Variants in CEBPA observed in about 807,000 individuals in gnomAD.
CEBPA encodes the protein CCAAT enhancer binding protein alpha, also known as CCAAT/enhancer-binding protein alpha.
A neutral mutation model predicts 5.1 loss-of-function variants in CEBPA; 2 were observed. That is an observed-to-expected ratio of 0.39 (90% CI 0.16 to 1.23). CEBPA has a LOEUF of 1.23. CEBPA is among the 50% of genes most tolerant of loss of function. The pLI is 0.34. For synonymous variants in CEBPA, 275 were observed against 264.1 expected (o/e 1.04, Z -0.40); for missense variants, 455 against 537.4 (o/e 0.85, Z 1.52).
chr19:33,301,071 C>T lies in CEBPA; in HGVS notation c.*267G>A. 2 of 585,516 alleles carry T rather than the reference C, an allele frequency of 3.4e-6. No homozygotes were observed. The highest frequency in any genetic ancestry group is 3.0e-6 in the Non-Finnish European group (1 of 331,156). 36.3% of individuals were successfully genotyped at this position (585,516 alleles called of 1,614,324 possible). A position where few individuals can be genotyped will look rare whatever the true frequency, so the allele number is the denominator to read the frequency against. The stretch of plus-strand genomic sequence containing the variant: ...CCAAGGCACAAGGTTATCCTAAATA[C>T]TAGAGTTGCCGGGCTCCCAGCTCAG... On this transcript the variant is annotated 3_prime_UTR_variant, in exon 1 of 1. Transcript: ENST00000498907. The surrounding 1 kb of genome is among the most constrained non-coding windows in gnomAD (Gnocchi z 6.0).
At position 33,302,307 on chromosome 19, in the gene CEBPA, G is replaced by A. The variant is rs1399064538; in HGVS notation, c.108C>T (p.Gly36=). 4 of 1,444,818 alleles carry A rather than the reference G, an allele frequency of 2.8e-6. No individual in the cohort carries two copies. Among genetic ancestry groups the A allele is most frequent in the Non-Finnish European group, 3.7e-6 (4 of 1,093,890 alleles). The allele number at this position is 1,444,818 out of a possible 1,614,324, so 89.5% of individuals were successfully genotyped here. A position where few individuals can be genotyped will look rare whatever the true frequency, so the allele number is the denominator to read the frequency against. ...PSSAAFGFPR[G]AGPAQPPAPP... ...GGGCGGGAGGCTGCGCGGGGCCCGC[G>A]CCCCGGGGAAAGCCGAAGGCGGCGC... Residue 36 remains glycine, a synonymous_variant, in exon 1 of 1, where the codon GGC becomes GGT. Coordinates refer to ENST00000498907, the MANE Select transcript of CEBPA (RefSeq NM_004364.5).
chr19:33,301,649 G>A lies in CEBPA; in HGVS notation c.766C>T (p.Leu256=), dbSNP rs1967170063. The change falls in exon 1 of 1, where the codon CTG becomes TTG. Residue 256 remains leucine, a synonymous_variant. Coordinates refer to ENST00000498907, the MANE Select transcript of CEBPA (RefSeq NM_004364.5). This position sits in a 1 kb window ranked among gnomAD's most constrained non-coding sequence, Gnocchi z 6.0. ...CGGAGGTCGGGGTGCGCGGCGCCCA[G>A]CCCCTTGAGCGCGCTGCCAGGGCCC... ...LPGPGSALKG[L]GAAHPDLRAS... 6 of 1,520,724 alleles carry A rather than the reference G, an allele frequency of 3.9e-6. No individual in the cohort carries two copies. The East Asian group carries it at 1.3e-4, about 33-fold the overall frequency. The allele number at this position is 1,520,724 out of a possible 1,614,324, so 94.2% of individuals were successfully genotyped here. A position where few individuals can be genotyped will look rare whatever the true frequency, so the allele number is the denominator to read the frequency against.
rs746430067 is a variant in CEBPA, at chr19:33,301,848, GGGCGGC to G, written c.561_566del (p.Pro188_Pro189del). The G allele has an allele frequency of 4.0e-5, 53 of 1,310,316 alleles. No individual in the cohort carries two copies. Among genetic ancestry groups the G allele is most frequent in the South Asian group, 2.8e-4 (15 of 52,854 alleles). 81.2% of individuals were successfully genotyped at this position (1,310,316 alleles called of 1,614,324 possible). The stretch of plus-strand genomic sequence containing the variant: ...GCGGCGGGTGCGGGTGCGGGTGCGA[GGGCGGC>G]GGCGGCGGCGGCGGCTGGTAAGGGA... On this transcript the variant is annotated inframe_deletion, in exon 1 of 1. Transcript: ENST00000498907. The surrounding 1 kb of genome is among the most constrained non-coding windows in gnomAD (Gnocchi z 6.0).
In CEBPA at chr19:33,301,889, C is replaced by T. The variant is rs2145261638; in HGVS notation, c.526G>A (p.Ala176Thr). Residue 176 changes from alanine (A) to threonine (T), a missense_variant, in exon 1 of 1, where the codon GCC becomes ACC. This residue lies in a region of CEBPA where 141 missense variants were observed against 124.1 expected (regional missense o/e 1.14). Coordinates refer to ENST00000498907, the MANE Select transcript of CEBPA (RefSeq NM_004364.5). The surrounding 1 kb of genome is among the most constrained non-coding windows in gnomAD (Gnocchi z 6.0). ...EEDEAKQLAL[A>T]GLFPYQPPPP... ...GGCGGCTGGTAAGGGAAGAGGCCGG[C>T]CAGCGCCAGCTGCTTGGCTTCATCC... 7.5e-7 allele frequency: 1 copy of T among 1,327,334 alleles called. No individual in the cohort carries two copies. The highest frequency in any genetic ancestry group is 9.7e-7 in the Non-Finnish European group (1 of 1,032,580). The allele number at this position is 1,327,334 out of a possible 1,614,324, so 82.2% of individuals were successfully genotyped here. A position where few individuals can be genotyped will look rare whatever the true frequency, so the allele number is the denominator to read the frequency against.
Position 33,301,958 on chromosome 19 carries a change from G to C in CEBPA, c.457C>G (p.Pro153Ala). The part of the protein sequence containing the change: ...LEPLYERVGA[P>A]ALRPLVIKQE... ...TTGATCACCAGCGGCCGCAGCGCCG[G>C]CGCCCCGACGCGCTCGTACAGGGGC... Residue 153 changes from proline to alanine, a missense_variant, in exon 1 of 1, where the codon CCG (proline) becomes GCG (alanine). Pro to Ala is a conservative substitution (Grantham distance 27, BLOSUM62 -1). This residue lies in a region of CEBPA where 141 missense variants were observed against 124.1 expected (regional missense o/e 1.14). Transcript: ENST00000498907. This position sits in a 1 kb window ranked among gnomAD's most constrained non-coding sequence, Gnocchi z 6.0. 1 of 1,217,118 alleles carries C rather than the reference G, an allele frequency of 8.2e-7. No individual in the cohort carries two copies. Among genetic ancestry groups the C allele is most frequent in the African/African-American group, 1.6e-5 (1 of 61,946 alleles). The allele number at this position is 1,217,118 out of a possible 1,614,324, so 75.4% of individuals were successfully genotyped here.
rs1555742309 is a variant in CEBPA, at chr19:33,302,343, G to T, written c.72C>A (p.His24Gln). ...AGCCGAAGGCGGCGCTGCTGGGCGCGTGCGGGGGGCTCTGCAGGTGGCTGC... is the reference window on the plus strand; with the variant it reads ...AGCCGAAGGCGGCGCTGCTGGGCGCTTGCGGGGGGCTCTGCAGGTGGCTGC... ...PMSSHLQSPP[H>Q]APSSAAFGFP... The change falls in exon 1 of 1, where the codon CAC becomes CAA. Residue 24 changes from histidine to glutamine, a missense_variant. Transcript: ENST00000498907. The T allele has an allele frequency of 7.4e-7, 1 of 1,349,752 alleles. No individual in the cohort carries two copies. The allele number at this position is 1,349,752 out of a possible 1,614,324, so 83.6% of individuals were successfully genotyped here.
chr19:33,302,454 G>A lies in CEBPA; in HGVS notation c.-40C>T. On this transcript the variant is annotated 5_prime_UTR_variant, in exon 1 of 1. Transcript: ENST00000498907. ...TCTCCCGGCATGGCGAGCCTCGGCGGCCTCCAGCCTGCGCGGGGCGTCGCC... is the reference window on the plus strand; with the variant it reads ...TCTCCCGGCATGGCGAGCCTCGGCGACCTCCAGCCTGCGCGGGGCGTCGCC... 1 of 1,223,232 alleles carries A rather than the reference G, an allele frequency of 8.2e-7. No individual in the cohort carries two copies. Among genetic ancestry groups the A allele is most frequent in the Non-Finnish European group, 1.0e-6 (1 of 974,482 alleles). The allele number at this position is 1,223,232 out of a possible 1,614,324, so 75.8% of individuals were successfully genotyped here. A position where few individuals can be genotyped will look rare whatever the true frequency, so the allele number is the denominator to read the frequency against.
chr19:33,301,845 C>A lies in CEBPA; in HGVS notation c.570G>T (p.Ser190=). 3.8e-6 allele frequency: 5 copies of A among 1,301,920 alleles called. No homozygotes were observed. Among genetic ancestry groups the A allele is most frequent in the Non-Finnish European group, 4.9e-6 (5 of 1,021,564 alleles). 80.6% of individuals were successfully genotyped at this position (1,301,920 alleles called of 1,614,324 possible). A position where few individuals can be genotyped will look rare whatever the true frequency, so the allele number is the denominator to read the frequency against. ...PYQPPPPPPP[S]HPHPHPPPAH... is the part of the protein sequence containing the mutation. ...CGGGCGGCGGGTGCGGGTGCGGGTG[C>A]GAGGGCGGCGGCGGCGGCGGCGGCT... Residue 190 remains serine (S), a synonymous_variant, in exon 1 of 1, where the codon TCG becomes TCT. Coordinates refer to ENST00000498907, the MANE Select transcript of CEBPA (RefSeq NM_004364.5). This position sits in a 1 kb window ranked among gnomAD's most constrained non-coding sequence, Gnocchi z 6.0.
Position 33,302,208 on chromosome 19 carries a change from G to T in CEBPA, c.207C>A (p.Asp69Glu). 6.7e-7 allele frequency: 1 copy of T among 1,498,292 alleles called. No individual in the cohort carries two copies. The highest frequency in any genetic ancestry group is 8.9e-7 in the Non-Finnish European group (1 of 1,121,140). The allele number at this position is 1,498,292 out of a possible 1,614,324, so 92.8% of individuals were successfully genotyped here. ...GGAACTCGTCGTTGAAGGCGGCCGG[G>T]TCGATGTAGGCGCTGATGTCGATGG... ...ETSIDISAYIDPAAFNDEFLA... is the reference protein window; with the variant it reads ...ETSIDISAYIEPAAFNDEFLA... Residue 69 changes from aspartate to glutamate, a missense_variant, in exon 1 of 1, where the codon GAC (aspartate) becomes GAA (glutamate). Physicochemically the swap from Asp to Glu is conservative, Grantham distance 45 (BLOSUM62 2). Around this residue, in one of 5 missense-constraint regions of CEBPA, gnomAD observed 143 missense variants for 153.9 expected, o/e 0.93. Transcript: ENST00000498907.
rs1446673156 is a variant in CEBPA, at chr19:33,301,669, G to A, written c.746C>T (p.Pro249Leu). The A allele has an allele frequency of 1.5e-6, 2 of 1,321,254 alleles. No individual in the cohort carries two copies. The highest frequency in any genetic ancestry group is 1.9e-6 in the Non-Finnish European group (2 of 1,040,054). The allele number at this position is 1,321,254 out of a possible 1,614,324, so 81.8% of individuals were successfully genotyped here. A position where few individuals can be genotyped will look rare whatever the true frequency, so the allele number is the denominator to read the frequency against. ...GCCCAGCCCCTTGAGCGCGCTGCCA[G>A]GGCCCGGCAGGCCGGCGGCACCGAG... Reference protein sequence around the residue: ...PALGAAGLPGPGSALKGLGAA... With the variant: ...PALGAAGLPGLGSALKGLGAA... The change falls in exon 1 of 1, where the codon CCT (proline) becomes CTT (leucine). Residue 249 changes from proline (P) to leucine (L), a missense_variant. Pro to Leu is a moderately conservative substitution (Grantham distance 98, BLOSUM62 -3). Around this residue, in one of 5 missense-constraint regions of CEBPA, gnomAD observed 118 missense variants for 189.3 expected, o/e 0.62. Coordinates refer to ENST00000498907, the MANE Select transcript of CEBPA (RefSeq NM_004364.5). This position sits in a 1 kb window ranked among gnomAD's most constrained non-coding sequence, Gnocchi z 6.0.
At position 33,301,869 on chromosome 19, in the gene CEBPA, C is replaced by T; in HGVS notation, c.546G>A (p.Gln182=). 3 of 1,272,930 alleles carry T rather than the reference C, an allele frequency of 2.4e-6. No individual in the cohort carries two copies. The highest frequency in any genetic ancestry group is 1.0e-6 in the Non-Finnish European group (1 of 1,001,214). The allele number at this position is 1,272,930 out of a possible 1,614,324, so 78.9% of individuals were successfully genotyped here. ...QLALAGLFPY[Q]PPPPPPPSHP... ...GCGAGGGCGGCGGCGGCGGCGGCGGCTGGTAAGGGAAGAGGCCGGCCAGCG... is the reference window on the plus strand; with the variant it reads ...GCGAGGGCGGCGGCGGCGGCGGCGGTTGGTAAGGGAAGAGGCCGGCCAGCG... Residue 182 remains glutamine, a synonymous_variant, in exon 1 of 1, where the codon CAG becomes CAA. Coordinates refer to ENST00000498907, the MANE Select transcript of CEBPA (RefSeq NM_004364.5). The surrounding 1 kb of genome is among the most constrained non-coding windows in gnomAD (Gnocchi z 6.0).
rs41367646 is a variant in CEBPA, at chr19:33,300,977, C to T, written c.*361G>A. ...GCCTCGGGAAGGAGGCAGGAAACCTCCAAATAAAATGACAAGGCACGATTT... is the reference window on the plus strand; with the variant it reads ...GCCTCGGGAAGGAGGCAGGAAACCTTCAAATAAAATGACAAGGCACGATTT... On this transcript the variant is annotated 3_prime_UTR_variant, in exon 1 of 1. Coordinates refer to ENST00000498907, the MANE Select transcript of CEBPA (RefSeq NM_004364.5). The T allele has an allele frequency of 0.015, 5,282 of 342,534 alleles. 72 individuals are homozygous for T. Among genetic ancestry groups the T allele is most frequent in the Non-Finnish European group, 0.021 (3,814 of 183,188 alleles). 21.2% of individuals were successfully genotyped at this position (342,534 alleles called of 1,614,324 possible). A position where few individuals can be genotyped will look rare whatever the true frequency, so the allele number is the denominator to read the frequency against.
chr19:33,302,482 C>T lies in CEBPA; in HGVS notation c.-68G>A. 2 of 1,081,606 alleles carry T rather than the reference C, an allele frequency of 1.8e-6. No homozygotes were observed. The highest frequency in any genetic ancestry group is 1.2e-6 in the Non-Finnish European group (1 of 850,132). 67.0% of individuals were successfully genotyped at this position (1,081,606 alleles called of 1,614,324 possible). ...TCCAGCCTGCGCGGGGCGTCGCCGC[C>T]GCCCACCCGGAGACCCTGCTCGCCC... is the stretch of plus-strand genomic sequence containing the variant. On this transcript the variant is annotated 5_prime_UTR_variant, in exon 1 of 1. Coordinates refer to ENST00000498907, the MANE Select transcript of CEBPA (RefSeq NM_004364.5).
At position 33,301,916 on chromosome 19, in the gene CEBPA, C is replaced by T. The variant is rs1263846430; in HGVS notation, c.499G>A (p.Glu167Lys). The T allele has an allele frequency of 2.3e-6, 3 of 1,302,198 alleles. No individual in the cohort carries two copies. The highest frequency in any genetic ancestry group is 1.6e-5 in the African/African-American group (1 of 63,906). The allele number at this position is 1,302,198 out of a possible 1,614,324, so 80.7% of individuals were successfully genotyped here. A position where few individuals can be genotyped will look rare whatever the true frequency, so the allele number is the denominator to read the frequency against. The change falls in exon 1 of 1, where the codon GAG becomes AAG. Residue 167 changes from glutamate (E) to lysine (K), a missense_variant. Around this residue, in one of 5 missense-constraint regions of CEBPA, gnomAD observed 141 missense variants for 124.1 expected, o/e 1.14. Coordinates refer to ENST00000498907, the MANE Select transcript of CEBPA (RefSeq NM_004364.5). The surrounding 1 kb of genome is among the most constrained non-coding windows in gnomAD (Gnocchi z 6.0). ...PLVIKQEPRE[E>K]DEAKQLALAG... The stretch of plus-strand genomic sequence containing the variant: ...AGCGCCAGCTGCTTGGCTTCATCCT[C>T]CTCGCGGGGCTCCTGCTTGATCACC...
Position 33,302,348 on chromosome 19 carries a change from G to A in CEBPA, c.67C>T (p.Pro23Ser), listed in dbSNP as rs1478319097. 19 of 1,347,764 alleles carry A rather than the reference G, an allele frequency of 1.4e-5. No individual in the cohort carries two copies. The highest frequency in any genetic ancestry group is 6.0e-5 in the South Asian group (3 of 49,640). 83.5% of individuals were successfully genotyped at this position (1,347,764 alleles called of 1,614,324 possible). A position where few individuals can be genotyped will look rare whatever the true frequency, so the allele number is the denominator to read the frequency against. Residue 23 changes from proline to serine, a missense_variant, in exon 1 of 1, where the codon CCG (proline) becomes TCG (serine). By Grantham distance (74) the Pro-to-Ser change is moderately conservative (BLOSUM62 -1). Transcript: ENST00000498907. ...PPMSSHLQSPPHAPSSAAFGF... is the reference protein window; with the variant it reads ...PPMSSHLQSPSHAPSSAAFGF... ...AAGGCGGCGCTGCTGGGCGCGTGCGGGGGGCTCTGCAGGTGGCTGCTCATC... is the reference window on the plus strand; with the variant it reads ...AAGGCGGCGCTGCTGGGCGCGTGCGAGGGGCTCTGCAGGTGGCTGCTCATC...
At position 33,301,888 on chromosome 19, in the gene CEBPA, G is replaced by A. The variant is rs957167825; in HGVS notation, c.527C>T (p.Ala176Val). 2.7e-5 allele frequency: 35 copies of A among 1,302,910 alleles called. No individual in the cohort carries two copies. The highest frequency in any genetic ancestry group is 3.2e-5 in the Non-Finnish European group (33 of 1,018,160). 80.7% of individuals were successfully genotyped at this position (1,302,910 alleles called of 1,614,324 possible). ...EEDEAKQLALAGLFPYQPPPP... is the reference protein window; with the variant it reads ...EEDEAKQLALVGLFPYQPPPP... ...CGGCGGCTGGTAAGGGAAGAGGCCG[G>A]CCAGCGCCAGCTGCTTGGCTTCATC... is the stretch of plus-strand genomic sequence containing the variant. The change falls in exon 1 of 1, where the codon GCC becomes GTC. Residue 176 changes from alanine to valine, a missense_variant. Coordinates refer to ENST00000498907, the MANE Select transcript of CEBPA (RefSeq NM_004364.5). The surrounding 1 kb of genome is among the most constrained non-coding windows in gnomAD (Gnocchi z 6.0).
In CEBPA at chr19:33,300,050, T is replaced by C. The variant is rs1389772860; in HGVS notation, c.*1288A>G. 4.3e-6 allele frequency: 1 copy of C among 233,302 alleles called. No individual in the cohort carries two copies. Among genetic ancestry groups the C allele is most frequent in the Non-Finnish European group, 8.5e-6 (1 of 118,066 alleles). The allele number at this position is 233,302 out of a possible 1,614,324, so 14.5% of individuals were successfully genotyped here. A position where few individuals can be genotyped will look rare whatever the true frequency, so the allele number is the denominator to read the frequency against. On this transcript the variant is annotated 3_prime_UTR_variant, in exon 1 of 1. Transcript: ENST00000498907. ...CCTTCCCTGCTCCCAGCCCCAGTGA[T>C]GCGTTGGCGGGAGGCCACCTCCCTT...
In CEBPA at chr19:33,301,381, A is replaced by G. The variant is rs761752002; in HGVS notation, c.1034T>C (p.Leu345Pro). The change falls in exon 1 of 1, where the codon CTG (leucine) becomes CCG (proline). Residue 345 changes from leucine (L) to proline (P), a missense_variant. Transcript: ENST00000498907. The surrounding 1 kb of genome is among the most constrained non-coding windows in gnomAD (Gnocchi z 6.0). ...LDTLRGIFRQ[L>P]PESSLVKAMG... ...GGCCTTGACCAAGGAGCTCTCTGGC[A>G]GCTGGCGGAAGATGCCCCGCAGCGT... 1.1e-5 allele frequency: 18 copies of G among 1,608,326 alleles called. No individual in the cohort carries two copies. Among genetic ancestry groups the G allele is most frequent in the Admixed American group, 6.7e-5 (4 of 59,902 alleles).
In CEBPA at chr19:33,301,427, G is replaced by A. The variant is rs2145258472; in HGVS notation, c.988C>T (p.Gln330Ter). 1 of 1,612,396 alleles carries A rather than the reference G, an allele frequency of 6.2e-7. No homozygotes were observed. The highest frequency in any genetic ancestry group is 8.5e-7 in the Non-Finnish European group (1 of 1,179,780). ...AGCGTGTCCAGTTCGCGGCTCAGCT[G>A]TTCCACCCGCTTGCGCAGGCGGTCA... is the stretch of plus-strand genomic sequence containing the variant. ...DNDRLRKRVEQLSRELDTLRG... is the reference protein window; with the variant it reads ...DNDRLRKRVE Residue 330 changes from glutamine (Q) to a stop codon, truncating the protein, a stop_gained, in exon 1 of 1, where the codon CAG becomes TAG. Transcript: ENST00000498907. LOFTEE classifies it high-confidence loss of function. The surrounding 1 kb of genome is among the most constrained non-coding windows in gnomAD (Gnocchi z 6.0).
Sources: allele counts gnomAD v4.1 joint callset, GRCh38; gene constraint gnomAD v4.1.1; regional missense constraint gnomAD v4.1.1; non-coding constraint Gnocchi (gnomAD v3.1); transcripts MANE v1.5; gene names NCBI Gene and HGNC (gene_info 2026-07-23, HGNC 2026-07-21).